The following KLHL3 variants were observed in gnomAD, a reference collection of about 807,000 sequenced individuals.
KLHL3 encodes kelch-like protein 3.
A neutral mutation model predicts 70.5 loss-of-function variants in KLHL3; 19 were observed. The ratio of observed to expected loss-of-function variants is 0.27; its 90% CI spans 0.19 to 0.40. KLHL3 has a LOEUF of 0.40. KLHL3 is among the 10% of genes least tolerant of loss of function. The probability of loss-of-function intolerance (pLI) is 1.00; values close to 1 mark genes in which losing one functional copy is unlikely to be tolerated. For missense variants in KLHL3, 512 were observed against 771.1 expected (o/e 0.66, Z 3.98); for synonymous variants, 258 against 290.3 (o/e 0.89, Z 1.13).
intron 8 of KLHL3, among the ~76,000 whole-genome samples, chr5:137,652,280 G>C (rs1751220373): frequency 6.6e-6 from 1 of 152,032 alleles, no homozygotes; most frequent in African/African-American, 2.4e-5. Context: ...AATAAAAATA[G>C]AACTACCATA....
chr5:137,710,941 A>T (rs1235050452), intron 2 of KLHL3, among the ~76,000 whole-genome samples: 1 of 152,206 alleles, frequency 6.6e-6, no homozygotes, highest in Non-Finnish European at 1.5e-5. Flanking sequence ...AGGCAGCTGA[A>T]GCCCAGAACC....
chr5:137,689,870 A>G (rs1752273753), intron 5 of KLHL3, among the ~76,000 whole-genome samples: 1 of 152,226 alleles, frequency 6.6e-6, no homozygotes, highest in Admixed American at 6.5e-5. Flanking sequence ...ACCTCAGACA[A>G]CTGTATCAGC....
chr5:137,722,939 G>A (rs867551273), intron 1 of KLHL3, among the ~76,000 whole-genome samples: 7 of 152,194 alleles, frequency 4.6e-5, no homozygotes, highest in Non-Finnish European at 8.8e-5. Context: ...AAAGTGCTGC[G>A]ATTACTGGCG....
At chr5:137,630,439 C>T (rs1047551062) in intron 12 of KLHL3, among the ~76,000 whole-genome samples, 1 of 152,098 alleles carries the variant, frequency 6.6e-6, no homozygotes, top group African/African-American at 2.4e-5. Flanking sequence ...CAAGCCTGAG[C>T]TTCCTAAGGC....
intron 1 of KLHL3, among the ~76,000 whole-genome samples, chr5:137,728,126 T>C (rs975769379): frequency 2.6e-5 from 4 of 152,180 alleles, no homozygotes; most frequent in African/African-American, 9.7e-5. Context: ...TTTAATATAA[T>C]TTATAAGTTA....
In KLHL3 at chr5:137,713,072, T is replaced by C. The variant is rs1428069680; in HGVS notation, c.135-3216A>G. ...CTGCCCACTGGACACATAAGTAAGG[T>C]TACCAAGCAGGCAAGTGGTTACATG... On this transcript the variant is annotated intron_variant, in intron 2 of 14. Transcript: ENST00000309755. Among the ~76,000 whole-genome samples the C allele has an allele frequency of 2.0e-5, 3 of 150,484 alleles. No homozygotes were observed. The Admixed American group carries it at 2.0e-4, about 10-fold the overall frequency.
chr5:137,719,784 T>C (rs1313813891), intron 2 of KLHL3, among the ~76,000 whole-genome samples: 1 of 152,066 alleles, frequency 6.6e-6, no homozygotes, highest in Admixed American at 6.5e-5. Flanking sequence ...CAGAAGAAAA[T>C]ACATGACATC....
intron 7 of KLHL3, 110 bp from the exon 8 acceptor site, chr5:137,658,390 C>A (rs565436057): frequency 1.9e-6 from 2 of 1,026,354 alleles, no homozygotes; most frequent in Non-Finnish European, 3.0e-6. Context: ...CATTCCTTCA[C>A]CACATCATCT....
chr5:137,675,458 A>G (rs1283428311), intron 6 of KLHL3, among the ~76,000 whole-genome samples: 1 of 152,196 alleles, frequency 6.6e-6, no homozygotes, highest in African/African-American at 2.4e-5. Flanking sequence ...AGTGCCTGCC[A>G]AACACTATAT....
intron 3 of KLHL3, among the ~76,000 whole-genome samples, chr5:137,700,607 C>T (rs777756665): frequency 1.4e-4 from 21 of 152,136 alleles, no homozygotes; most frequent in Admixed American, 1.2e-3. Flanking sequence ...TTCTTACAGG[C>T]GTCTATGATT....
chr5:137,735,623 A>T lies in KLHL3; in HGVS notation c.14+10T>A. 1 of 1,601,526 alleles carries T rather than the reference A, an allele frequency of 6.2e-7. No individual in the cohort carries two copies. Among genetic ancestry groups the T allele is most frequent in the Non-Finnish European group, 8.6e-7 (1 of 1,168,490 alleles). ...CACACACAACACAGCACACACTTAT[A>T]CATACATACCTTTCACCCTCCATTG... On this transcript the variant is annotated intron_variant, in intron 1 of 14. Coordinates refer to ENST00000309755, the MANE Select transcript of KLHL3 (RefSeq NM_017415.3).
At chr5:137,710,104 A>C (rs1015623354) in intron 2 of KLHL3, among the ~76,000 whole-genome samples, 1 of 152,154 alleles carries the variant, frequency 6.6e-6, no homozygotes, top group African/African-American at 2.4e-5. Flanking sequence ...TGTAAATTCC[A>C]GGCTGCTTCA....
At chr5:137,676,811 C>T (rs1278158621) in intron 6 of KLHL3, among the ~76,000 whole-genome samples, 1 of 152,148 alleles carries the variant, frequency 6.6e-6, no homozygotes, top group African/African-American at 2.4e-5. Flanking sequence ...GAAGCTTATG[C>T]TATTTTCACT....
chr5:137,712,157 A>C (rs1195622221), intron 2 of KLHL3, among the ~76,000 whole-genome samples: 1 of 50,668 alleles, frequency 2.0e-5, no homozygotes, highest in African/African-American at 1.2e-4. Flanking sequence ...AGATTCTGTC[A>C]AAAAAAAAAA....
chr5:137,695,746 T>A (rs1462987196), intron 4 of KLHL3, among the ~76,000 whole-genome samples: 1 of 152,158 alleles, frequency 6.6e-6, no homozygotes, highest in Non-Finnish European at 1.5e-5. Flanking sequence ...AAACTCTACT[T>A]CTTCAAAGCA....
chr5:137,639,287 G>T lies in KLHL3; in HGVS notation c.1022-137C>A. 2 of 723,564 alleles carry T rather than the reference G, an allele frequency of 2.8e-6. No homozygotes were observed. Among genetic ancestry groups the T allele is most frequent in the Non-Finnish European group, 4.6e-6 (2 of 439,166 alleles). The allele number at this position is 723,564 out of a possible 1,614,324, so 44.8% of individuals were successfully genotyped here. On this transcript the variant is annotated intron_variant, in intron 9 of 14. Transcript: ENST00000309755. The surrounding 1 kb of genome is among the most constrained non-coding windows in gnomAD (Gnocchi z 5.0). ...ACTTTAGGTATTTGGCAGTCATTAT[G>T]GGATTCACTGGATTTCTTTCCTACT... is the stretch of plus-strand genomic sequence containing the variant.
intron 1 of KLHL3, among the ~76,000 whole-genome samples, chr5:137,734,978 T>C (rs1482985919): frequency 1.3e-5 from 2 of 152,218 alleles, no homozygotes; most frequent in Admixed American, 6.5e-5. Flanking sequence ...CTGGTTCCTA[T>C]TTCAAAAGAA....
intron 7 of KLHL3, among the ~76,000 whole-genome samples, chr5:137,658,854 TAAC>T (rs1201470375): frequency 6.6e-6 from 1 of 152,024 alleles, no homozygotes; most frequent in Non-Finnish European, 1.5e-5. Context: ...TCTAACAGAG[TAAC>T]AACATCAGAG....
At chr5:137,726,124 A>G (rs571261312) in intron 1 of KLHL3, among the ~76,000 whole-genome samples, 1 of 152,310 alleles carries the variant, frequency 6.6e-6, no homozygotes, top group South Asian at 2.1e-4. Flanking sequence ...CATGACTTTC[A>G]GATCCTCACT....
Sources: allele counts gnomAD v4.1 joint callset (sites outside exome capture counted in the v4.1 genomes callset), GRCh38; gene constraint gnomAD v4.1.1; non-coding constraint Gnocchi (gnomAD v3.1); transcripts MANE v1.5; gene names NCBI Gene and HGNC (gene_info 2026-07-23, HGNC 2026-07-21).